Variants in COL19A1 observed in about 807,000 individuals in gnomAD.
COL19A1 encodes the protein collagen alpha-1(XIX) chain.
A neutral mutation model predicts 190.2 loss-of-function variants in COL19A1; 159 were observed. The observed-to-expected ratio is 0.84, with a 90% CI of 0.73 to 0.95. The LOEUF is 0.95. COL19A1 is among the 40% of genes least tolerant of loss of function. COL19A1 has a pLI of 0.00. For missense variants in COL19A1, 1,418 were observed against 1,431.9 expected (o/e 0.99, Z 0.16); for synonymous variants, 509 against 458.9 (o/e 1.11, Z -1.39).
chr6:70,197,906 G>A (rs1395628487), intron 48 of COL19A1, among the ~76,000 whole-genome samples: 1 of 152,050 alleles, frequency 6.6e-6, no homozygotes, highest in African/African-American at 2.4e-5. Flanking sequence ...TAGCTATTGG[G>A]GCTTTTCTCT....
intron 48 of COL19A1, among the ~76,000 whole-genome samples, chr6:70,195,455 T>C (rs886935400): frequency 1.3e-5 from 2 of 152,238 alleles, no homozygotes; most frequent in Non-Finnish European, 2.9e-5. Context: ...CTGGTCAGAT[T>C]CTCCAGTGGA....
At chr6:70,059,892 A>G (rs1780722444) in intron 14 of COL19A1, 1 of 371,842 alleles carries the variant, frequency 2.7e-6, no homozygotes, top group Admixed American at 3.9e-5. Flanking sequence ...GAAAACATTG[A>G]TAGGCATTTT....
At chr6:70,084,667 A>G (rs1221970268) in intron 15 of COL19A1, among the ~76,000 whole-genome samples, 1 of 152,098 alleles carries the variant, frequency 6.6e-6, no homozygotes, top group African/African-American at 2.4e-5. Context: ...TTCCAGATGT[A>G]CAGCTTGTGC....
chr6:70,131,615 C>T, intron 18 of COL19A1, among the ~76,000 whole-genome samples: 1 of 152,116 alleles, frequency 6.6e-6, no homozygotes, highest in East Asian at 1.9e-4. Flanking sequence ...CATACGCCAC[C>T]ATAACCAACG....
At chr6:70,028,822 C>T (rs1297174878) in intron 12 of COL19A1, among the ~76,000 whole-genome samples, 1 of 152,088 alleles carries the variant, frequency 6.6e-6, no homozygotes, top group Non-Finnish European at 1.5e-5. Context: ...TACAGAAAGC[C>T]TTTAGAACAG....
At chr6:70,189,696 A>G (rs3828776) in intron 47 of COL19A1, among the ~76,000 whole-genome samples, 8,532 of 152,270 alleles carry the variant, frequency 0.056, 440 homozygotes, top group African/African-American at 0.13. Context: ...TTCAGCTGAC[A>G]TTATTTGCCT....
chr6:70,035,634 A>G (rs1779312690), intron 13 of COL19A1, among the ~76,000 whole-genome samples: 1 of 152,210 alleles, frequency 6.6e-6, no homozygotes, highest in South Asian at 2.1e-4. Flanking sequence ...GGATTAGTAG[A>G]CAAAAGAATA....
At chr6:70,156,012 C>A (rs533086313) in intron 31 of COL19A1, 115 bp from the exon 32 acceptor site, 3 of 746,644 alleles carry the variant, frequency 4.0e-6, no homozygotes, top group African/African-American at 3.6e-5. Flanking sequence ...AGCAGAATGA[C>A]CTATCTATAT....
intron 18 of COL19A1, among the ~76,000 whole-genome samples, chr6:70,133,803 G>A (rs1223546138): frequency 6.6e-6 from 1 of 152,136 alleles, no homozygotes; most frequent in African/African-American, 2.4e-5. Flanking sequence ...ACCCATATGT[G>A]TCTAAGGTTC....
chr6:70,130,395 A>T lies in COL19A1; in HGVS notation c.1383+172A>T, dbSNP rs3763248. Among the ~76,000 whole-genome samples the T allele has an allele frequency of 0.47, 70,811 of 151,644 alleles. 16,965 individuals carry two copies. The highest frequency in any genetic ancestry group is 0.56 in the African/African-American group (23,176 of 41,302). The stretch of plus-strand genomic sequence containing the variant: ...CATGTGCCACCTCTCCCGGCTAATT[A>T]TTGTATTTTTAGTAGAGACAGAGTT... On this transcript the variant is annotated intron_variant, in intron 18 of 50. Coordinates refer to ENST00000620364, the MANE Select transcript of COL19A1 (RefSeq NM_001858.6).
intron 14 of COL19A1, among the ~76,000 whole-genome samples, chr6:70,068,033 C>G (rs1289401819): frequency 6.6e-6 from 1 of 152,056 alleles, no homozygotes; most frequent in Non-Finnish European, 1.5e-5. Flanking sequence ...ACTTTAAAAG[C>G]TACTCTCAAC....
At position 70,006,392 on chromosome 6, in the gene COL19A1, G is replaced by A. The variant is rs76734341; in HGVS notation, c.1027-17235G>A. ...CTCACTCACCACTTCCCTTGGCTGG[G>A]GGGTGAGGGCTCCCCTGGCTCTCAG... On this transcript the variant is annotated intron_variant, in intron 11 of 50. Coordinates refer to ENST00000620364, the MANE Select transcript of COL19A1 (RefSeq NM_001858.6). Among the ~76,000 whole-genome samples the A allele has an allele frequency of 6.1e-3, 930 of 152,282 alleles. 26 individuals carry two copies. The East Asian group carries it at 0.086, about 14-fold the overall frequency.
At chr6:70,023,173 A>C (rs1037589668) in intron 11 of COL19A1, among the ~76,000 whole-genome samples, 1 of 127,330 alleles carries the variant, frequency 7.9e-6, no homozygotes, top group Non-Finnish European at 1.6e-5. Context: ...TTGCTCTCTT[A>C]CCCAGGCTGG....
At chr6:70,024,604 TGTGTGTGTGTGGGTGTGTGG>T (rs1445460545) in intron 12 of COL19A1, among the ~76,000 whole-genome samples, 6 of 150,482 alleles carry the variant, frequency 4.0e-5, no homozygotes, top group South Asian at 2.1e-4. Context: ...TGTGTGTGTG[TGTGTGTGTGTGGGTGTGTGG>T]GTGTGTGTGT....
chr6:70,049,283 T>A (rs952460101), intron 14 of COL19A1, among the ~76,000 whole-genome samples: 1 of 152,146 alleles, frequency 6.6e-6, no homozygotes, highest in East Asian at 1.9e-4. Context: ...AAGAAGGCAG[T>A]TGAAATATTT....
chr6:69,995,980 T>C (rs906832783), intron 11 of COL19A1, among the ~76,000 whole-genome samples: 11 of 152,172 alleles, frequency 7.2e-5, no homozygotes, highest in Non-Finnish European at 1.5e-5. Flanking sequence ...AGTAGGTTTT[T>C]ATCAAGACAG....
intron 31 of COL19A1, among the ~76,000 whole-genome samples, chr6:70,154,107 A>ACC (rs1174932629): frequency 6.4e-4 from 45 of 70,274 alleles, no homozygotes; most frequent in African/African-American, 1.9e-3. Context: ...TCCCTCCCCT[A>ACC]CCCCCCCCAA....
intron 9 of COL19A1, among the ~76,000 whole-genome samples, chr6:69,955,914 A>AT (rs559045030): frequency 2.0e-5 from 3 of 151,986 alleles, no homozygotes; most frequent in Middle Eastern, 3.4e-3. Flanking sequence ...CACACAGTGA[A>AT]TTTTTTTTCT....
chr6:69,999,690 C>T (rs188151980), intron 11 of COL19A1, among the ~76,000 whole-genome samples: 1 of 152,048 alleles, frequency 6.6e-6, no homozygotes, highest in Non-Finnish European at 1.5e-5. Context: ...CATTCTACAT[C>T]GTCATCAACA....
Sources: allele counts gnomAD v4.1 joint callset (sites outside exome capture counted in the v4.1 genomes callset), GRCh38; gene constraint gnomAD v4.1.1; transcripts MANE v1.5; gene names NCBI Gene and HGNC (gene_info 2026-07-23, HGNC 2026-07-21).